The following ANO2 variants were observed in gnomAD, a reference collection of about 807,000 sequenced individuals.
ANO2 encodes the protein anoctamin-2.
Under a neutral mutation model 124.2 loss-of-function variants are expected in ANO2, and 101 were observed. The observed-to-expected ratio is 0.81, with a 90% confidence interval of 0.69 to 0.96. The LOEUF (loss-of-function observed/expected upper bound fraction) is 0.96, where lower values mean the gene tolerates loss of function less well. Ranked by LOEUF, ANO2 falls within the 40% of genes least tolerant of loss-of-function variation. The probability of loss-of-function intolerance (pLI) is 0.00; values close to 1 mark genes in which losing one functional copy is unlikely to be tolerated. For synonymous variants in ANO2, 486 were observed against 482.5 expected, an observed-to-expected ratio of 1.01 and a Z score of -0.09; for missense variants, 1,293 against 1,274.5, an observed-to-expected ratio of 1.01 and a Z score of -0.22.
intron 14 of ANO2, among the ~76,000 whole-genome samples, chr12:5,657,817 C>G (rs1466995681): frequency 1.1e-5 from 1 of 94,422 alleles, no homozygotes; most frequent in African/African-American, 2.9e-5. Context: ...TAGCCTCTCA[C>G]AGAATGGCAT....
intron 14 of ANO2, among the ~76,000 whole-genome samples, chr12:5,670,874 A>G (rs1373557964): frequency 1.3e-5 from 2 of 152,136 alleles, no homozygotes; most frequent in Admixed American, 6.5e-5. Context: ...CTCAACAATT[A>G]TGTAAGGTGG....
At chr12:5,693,695 C>A (rs969161996) in intron 14 of ANO2, among the ~76,000 whole-genome samples, 1 of 152,202 alleles carries the variant, frequency 6.6e-6, no homozygotes, top group African/African-American at 2.4e-5. Flanking sequence ...TCTTCTCCAG[C>A]CACTGCCTCT....
intron 20 of ANO2, among the ~76,000 whole-genome samples, chr12:5,585,884 G>T (rs1355827794): frequency 6.6e-6 from 1 of 152,166 alleles, no homozygotes; most frequent in African/African-American, 2.4e-5. Context: ...TGAACAAAAT[G>T]AAAATAAAAT....
rs1422364492 is a variant in ANO2 at position 5,635,531 on chromosome 12, G to C, written c.1621-184C>G. On this transcript the variant is annotated intron_variant, in intron 15 of 24. Transcript: ENST00000682330. This position sits in a 1 kb window ranked among gnomAD's most constrained non-coding sequence, Gnocchi z 5.2. ...TGGGTGGGTAACAAATTTTTAGGCA[G>C]AGTTCTGAGTGGAGGTGCATTTTCC... Among the ~76,000 whole-genome samples the C allele has an allele frequency of 6.6e-6, 1 of 151,854 alleles. No homozygotes were observed. The highest frequency in any genetic ancestry group is 1.5e-5 in the Non-Finnish European group (1 of 68,004).
At chr12:5,771,477 T>C (rs1952078874) in intron 10 of ANO2, among the ~76,000 whole-genome samples, 1 of 152,216 alleles carries the variant, frequency 6.6e-6, no homozygotes, top group Non-Finnish European at 1.5e-5. Flanking sequence ...AACCCTAAGG[T>C]TCATCTAAAA....
chr12:5,732,508 C>G lies in ANO2; in HGVS notation c.1545+12G>C. On this transcript the variant is annotated intron_variant, in intron 14 of 24. Coordinates refer to ENST00000682330, the MANE Select transcript of ANO2 (RefSeq NM_001364791.2). Reference sequence around the variant, plus strand: ...GTAAAGAGGACCGTGAGCAGCAAGTCCAGCTTCATACCTCATCGCCACACT... The same window carrying G: ...GTAAAGAGGACCGTGAGCAGCAAGTGCAGCTTCATACCTCATCGCCACACT... The G allele has an allele frequency of 6.2e-7, 1 of 1,604,338 alleles. No homozygotes were observed. The highest frequency in any genetic ancestry group is 1.3e-5 in the African/African-American group (1 of 74,630).
At chr12:5,733,590 T>C (rs1950734509) in intron 13 of ANO2, among the ~76,000 whole-genome samples, 1 of 152,222 alleles carries the variant, frequency 6.6e-6, no homozygotes, top group South Asian at 2.1e-4. Flanking sequence ...CCTGTCCATA[T>C]GTCAGAGATT....
chr12:5,806,326 T>C (rs886575558), intron 8 of ANO2, among the ~76,000 whole-genome samples: 1 of 152,222 alleles, frequency 6.6e-6, no homozygotes, highest in Non-Finnish European at 1.5e-5. Context: ...CCTCATCCAC[T>C]TCAGAGATCA....
chr12:5,871,122 T>A (rs965665597), intron 3 of ANO2, among the ~76,000 whole-genome samples: 1 of 152,164 alleles, frequency 6.6e-6, no homozygotes, highest in Non-Finnish European at 1.5e-5. Context: ...GGATGCCGAC[T>A]CACAGGAAAA....
chr12:5,727,501 T>A (rs557252452), intron 14 of ANO2, among the ~76,000 whole-genome samples: 2 of 148,224 alleles, frequency 1.3e-5, no homozygotes, highest in Non-Finnish European at 3.0e-5. Context: ...TAGAGAGAGT[T>A]TTAAACAAAC....
intron 23 of ANO2, among the ~76,000 whole-genome samples, chr12:5,569,581 CCT>C (rs1941979463): frequency 6.6e-6 from 1 of 152,146 alleles, no homozygotes; most frequent in Non-Finnish European, 1.5e-5. Flanking sequence ...CCACTTACTA[CCT>C]GTAAGAGACC....
At chr12:5,818,360 T>C (rs1247613501) in intron 7 of ANO2, among the ~76,000 whole-genome samples, 1 of 150,920 alleles carries the variant, frequency 6.6e-6, no homozygotes, top group African/African-American at 2.4e-5. Context: ...CTCCAAGTTC[T>C]TCAGTTTTGG....
chr12:5,755,354 T>C lies in ANO2; in HGVS notation c.1056-4384A>G, dbSNP rs147371605. Among the ~76,000 whole-genome samples the C allele has an allele frequency of 9.0e-3, 1,358 of 150,576 alleles. 18 individuals carry two copies. Among genetic ancestry groups the C allele is most frequent in the South Asian group, 0.03 (146 of 4,818 alleles). ...CTACTTGACTTTTGAGAATTCAATT[T>C]TTTTCTTTTTTACATTTATTTATTT... On this transcript the variant is annotated intron_variant, in intron 10 of 24. Transcript: ENST00000682330.
chr12:5,738,262 A>G (rs1224128185), intron 13 of ANO2, among the ~76,000 whole-genome samples: 1 of 152,224 alleles, frequency 6.6e-6, no homozygotes, highest in African/African-American at 2.4e-5. Flanking sequence ...TTAGGAAGAG[A>G]CTAAATTAGG....
chr12:5,828,242 G>T (rs968909852), intron 6 of ANO2, among the ~76,000 whole-genome samples: 1 of 152,060 alleles, frequency 6.6e-6, no homozygotes. Flanking sequence ...GTTCTGTCTG[G>T]CGGGTCCCGG....
chr12:5,924,755 C>T (rs1232082606), intron 1 of ANO2, among the ~76,000 whole-genome samples: 1 of 152,216 alleles, frequency 6.6e-6, no homozygotes, highest in East Asian at 1.9e-4. Context: ...CTCCTTTTCT[C>T]TTGCAACATG....
intron 6 of ANO2, 54 bp downstream of exon 6, chr12:5,830,381 G>C (rs942640402): frequency 2.0e-5 from 31 of 1,571,198 alleles, no homozygotes; most frequent in Non-Finnish European, 2.3e-5. Flanking sequence ...TGCCAACTAG[G>C]AACTCAGCCC....
rs201449773 is a variant in ANO2, at chr12:5,721,424, CT to C, written c.1545+11095del. On this transcript the variant is annotated intron_variant, in intron 14 of 24. Transcript: ENST00000682330. Reference sequence around the variant, plus strand: ...AAAACTCACTATTTATCTTTTTAAGCTTTCTGCTCTTGGCTGTCTGCTTTAC... The same window carrying C: ...AAAACTCACTATTTATCTTTTTAAGCTTCTGCTCTTGGCTGTCTGCTTTAC... Among the ~76,000 whole-genome samples the C allele has an allele frequency of 7.6e-4, 115 of 152,138 alleles. No homozygotes were observed. In the East Asian group the frequency reaches 0.021, roughly 27 times the overall value.
intron 16 of ANO2, among the ~76,000 whole-genome samples, chr12:5,620,942 C>T (rs1304507182): frequency 6.6e-6 from 1 of 152,184 alleles, no homozygotes; most frequent in Non-Finnish European, 1.5e-5. Flanking sequence ...CACCAAGAGG[C>T]CAGGTCCTCC....
Sources: allele counts gnomAD v4.1 joint callset (sites outside exome capture counted in the v4.1 genomes callset), GRCh38; gene constraint gnomAD v4.1.1; non-coding constraint Gnocchi (gnomAD v3.1); transcripts MANE v1.5; gene names NCBI Gene and HGNC (gene_info 2026-07-23, HGNC 2026-07-21).